The following SVIL variants were observed in gnomAD, a reference collection of about 807,000 sequenced individuals.
The protein encoded by SVIL is archvillin.
Under a neutral mutation model 240.4 loss-of-function variants are expected in SVIL, and 101 were observed. The ratio of observed to expected loss-of-function variants is 0.42; its 90% CI spans 0.36 to 0.50. SVIL has a LOEUF of 0.50. Among genes scored for constraint, SVIL ranks in the 20% least tolerant of loss-of-function variants. The pLI is 0.01. For synonymous variants in SVIL, 999 were observed against 1,100.0 expected (o/e 0.91, Z 1.82); for missense variants, 2,512 against 2,818.7 (o/e 0.89, Z 2.46).
intron 5 of SVIL, among the ~76,000 whole-genome samples, chr10:29,552,361 G>T (rs1029044960): frequency 1.3e-5 from 2 of 151,830 alleles, no homozygotes; most frequent in Middle Eastern, 3.2e-3. Flanking sequence ...TCAGGAGTTC[G>T]AGACCAGCCT....
chr10:29,607,108 G>A (rs546550187), intron 1 of SVIL, among the ~76,000 whole-genome samples: 6 of 152,178 alleles, frequency 3.9e-5, no homozygotes, highest in African/African-American at 1.2e-4. Flanking sequence ...CCTGGTGTGG[G>A]GCATGATTTA....
intron 18 of SVIL, chr10:29,496,633 G>A (rs1948468946): frequency 3.7e-6 from 1 of 267,990 alleles, no homozygotes; most frequent in Non-Finnish European, 7.5e-6. Flanking sequence ...CTTAGGGAAT[G>A]AATGGCTCAT....
chr10:29,588,838 T>G (rs1956272796), intron 1 of SVIL, among the ~76,000 whole-genome samples: 1 of 152,158 alleles, frequency 6.6e-6, no homozygotes, highest in South Asian at 2.1e-4. Context: ...TTTTCACATG[T>G]AAAATGTAGA....
chr10:29,676,337 C>A (rs1283851809), intron 2 of SVIL, among the ~76,000 whole-genome samples: 4 of 151,878 alleles, frequency 2.6e-5, no homozygotes, highest in Non-Finnish European at 5.9e-5. Context: ...TAAACACATA[C>A]ACACTCATTC....
rs146772640 is a variant in SVIL, at chr10:29,567,558, A to C, written c.-143+1697T>G. ...AGGTATGCATGACATAATGTCCATGATTTGAGAATAGCTGTGTCTCTTTGA... is the reference window on the plus strand; with the variant it reads ...AGGTATGCATGACATAATGTCCATGCTTTGAGAATAGCTGTGTCTCTTTGA... On this transcript the variant is annotated intron_variant, in intron 2 of 37. Transcript: ENST00000355867. 4.8e-3 allele frequency among the ~76,000 whole-genome samples: 733 copies of C among 152,308 alleles called. 1 individual carries two copies. The highest frequency in any genetic ancestry group is 6.5e-3 in the Non-Finnish European group (443 of 68,032).
chr10:29,664,936 C>T (rs1369690476), intron 2 of SVIL, among the ~76,000 whole-genome samples: 2 of 152,028 alleles, frequency 1.3e-5, no homozygotes, highest in African/African-American at 2.4e-5. Flanking sequence ...TTCATGTAGG[C>T]ACCTCAATAA....
rs144079909 is a variant in SVIL, at chr10:29,484,671, T to C, written c.4940A>G (p.Asn1647Ser). The C allele has an allele frequency of 1.2e-6, 2 of 1,612,624 alleles. No individual in the cohort carries two copies. Among genetic ancestry groups the C allele is most frequent in the Non-Finnish European group, 1.7e-6 (2 of 1,179,416 alleles). Reference protein sequence around the residue: ...DINPLDPGECNPLIPRKGQGR... With the variant: ...DINPLDPGECSPLIPRKGQGR... ...GCAGGAGTACCTGGGGATAAGCGGA[T>C]TGCATTCTCCAGGATCCAGGGGATT... Residue 1647 changes from asparagine (N) to serine (S), a missense_variant, in exon 27 of 38, where the codon AAT (asparagine) becomes AGT (serine). Asn to Ser is a conservative substitution (Grantham distance 46). Coordinates refer to ENST00000355867, the MANE Select transcript of SVIL (RefSeq NM_021738.3). The surrounding 1 kb of genome is among the most constrained non-coding windows in gnomAD (Gnocchi z 4.7).
chr10:29,470,163 G>C (rs1373863580), intron 32 of SVIL, 113 bp downstream of exon 32: 1 of 1,218,402 alleles, frequency 8.2e-7, no homozygotes, highest in South Asian at 1.3e-5. Flanking sequence ...ATCCTTTGCT[G>C]CAGTCACTTT....
chr10:29,728,609 G>T (rs769209247), intron 1 of SVIL, among the ~76,000 whole-genome samples: 5 of 152,126 alleles, frequency 3.3e-5, no homozygotes, highest in Non-Finnish European at 7.3e-5. Flanking sequence ...TGTCAAAAAG[G>T]GGGAGGAAGG....
rs765540249 is a variant in SVIL, at chr10:29,462,394, A to AT, written c.6284dup (p.Asn2095LysfsTer36). Reference sequence around the variant, plus strand: ...AAGACTTGGGGGCTGGTTTCTTGAGATTTTTTCCTGTAGTTACACAGATTG... The same window carrying AT: ...AAGACTTGGGGGCTGGTTTCTTGAGATTTTTTTCCTGTAGTTACACAGATTG... On this transcript the variant is annotated frameshift_variant, in exon 36 of 38. Coordinates refer to ENST00000355867, the MANE Select transcript of SVIL (RefSeq NM_021738.3). LOFTEE classifies it high-confidence loss of function. The AT allele has an allele frequency of 3.1e-6, 5 of 1,613,868 alleles. No homozygotes were observed. The highest frequency in any genetic ancestry group is 1.1e-5 in the South Asian group (1 of 91,024).
At chr10:29,588,092 G>T (rs1478125945) in intron 1 of SVIL, among the ~76,000 whole-genome samples, 1 of 151,758 alleles carries the variant, frequency 6.6e-6, no homozygotes, top group African/African-American at 2.4e-5. Context: ...GGGCCCCTTT[G>T]TCATTCAGAA....
chr10:29,486,509 T>C lies in SVIL; in HGVS notation c.4534A>G (p.Arg1512Gly), dbSNP rs1016776299. Reference sequence around the variant, plus strand: ...TCAATGGTTTGGATATAAGTAGCTCTACAACCAAGTTCCCTCTTTGTCTGA... The same window carrying C: ...TCAATGGTTTGGATATAAGTAGCTCCACAACCAAGTTCCCTCTTTGTCTGA... ...LIQTKRELGC[R>G]ATYIQTIEEG... Residue 1512 changes from arginine (R) to glycine (G), a missense_variant, in exon 25 of 38, where the codon AGA becomes GGA. This residue lies in a region of SVIL where 797 missense variants were observed against 925.3 expected (regional missense o/e 0.86). Coordinates refer to ENST00000355867, the MANE Select transcript of SVIL (RefSeq NM_021738.3). The C allele has an allele frequency of 1.2e-6, 2 of 1,614,204 alleles. No individual in the cohort carries two copies. Among genetic ancestry groups the C allele is most frequent in the Non-Finnish European group, 1.7e-6 (2 of 1,180,022 alleles).
chr10:29,695,964 C>CG (rs1961945249), intron 1 of SVIL, among the ~76,000 whole-genome samples: 1 of 141,110 alleles, frequency 7.1e-6, no homozygotes, highest in African/African-American at 2.8e-5. Flanking sequence ...TCCCGTCTCC[C>CG]TCTCCCTCTC....
intron 1 of SVIL, among the ~76,000 whole-genome samples, chr10:29,621,977 G>A (rs1329005518): frequency 2.6e-5 from 4 of 151,998 alleles, no homozygotes; most frequent in South Asian, 2.1e-4. Context: ...CTGGCCGGGC[G>A]CGGTGGCTCA....
intron 1 of SVIL, among the ~76,000 whole-genome samples, chr10:29,622,828 T>G (rs1287614263): frequency 6.6e-6 from 1 of 152,144 alleles, no homozygotes; most frequent in Non-Finnish European, 1.5e-5. Flanking sequence ...TCAAAGCACC[T>G]CCATGCAAAC....
chr10:29,612,131 A>C (rs1375197440), intron 1 of SVIL, among the ~76,000 whole-genome samples: 1 of 152,038 alleles, frequency 6.6e-6, no homozygotes, highest in Admixed American at 6.5e-5. Flanking sequence ...TCCCATTGCA[A>C]GTCATAAGAG....
intron 3 of SVIL, among the ~76,000 whole-genome samples, chr10:29,647,775 C>T (rs1447857512): frequency 3.3e-5 from 5 of 151,844 alleles, no homozygotes; most frequent in African/African-American, 4.8e-5. Flanking sequence ...CAGCTTAAAC[C>T]GAGTTTAACA....
chr10:29,548,216 C>T (rs911310927), intron 6 of SVIL, among the ~76,000 whole-genome samples: 1 of 152,132 alleles, frequency 6.6e-6, no homozygotes, highest in Non-Finnish European at 1.5e-5. Context: ...GTTACTGCCA[C>T]TTAGAGATGA....
chr10:29,677,706 C>A (rs1367589094), intron 2 of SVIL, among the ~76,000 whole-genome samples: 1 of 152,188 alleles, frequency 6.6e-6, no homozygotes, highest in African/African-American at 2.4e-5. Flanking sequence ...CAGGCACGAG[C>A]CACTGTGACC....
Sources: allele counts gnomAD v4.1 joint callset (sites outside exome capture counted in the v4.1 genomes callset), GRCh38; gene constraint gnomAD v4.1.1; regional missense constraint gnomAD v4.1.1; non-coding constraint Gnocchi (gnomAD v3.1); transcripts MANE v1.5; gene names NCBI Gene and HGNC (gene_info 2026-07-23, HGNC 2026-07-21).